Variants in PLA2G4E observed in about 807,000 individuals in gnomAD.
The protein encoded by PLA2G4E is phospholipase A2 group IVE.
PLA2G4E carries 84 observed loss-of-function variants against 109.1 expected under a neutral mutation model. That is an observed-to-expected ratio of 0.77 (90% confidence interval 0.65 to 0.92). The LOEUF is 0.92. Ranked by LOEUF, PLA2G4E falls within the 40% of genes least tolerant of loss-of-function variation. The probability of loss-of-function intolerance (pLI) is 0.00; values close to 1 mark genes in which losing one functional copy is unlikely to be tolerated. For synonymous variants in PLA2G4E, 469 were observed against 436.1 expected, an observed-to-expected ratio of 1.08 and a Z score of -0.94; for missense variants, 1,057 against 1,076.6, an observed-to-expected ratio of 0.98 and a Z score of 0.25.
intron 4 of PLA2G4E, among the ~76,000 whole-genome samples, chr15:42,005,321 G>A (rs1272353517): frequency 3.3e-5 from 5 of 152,218 alleles, no homozygotes; most frequent in Admixed American, 6.5e-5. Context: ...GCAAGGGAGC[G>A]CTGAGATACG....
At chr15:42,048,882 T>G (rs1226051701) in intron 1 of PLA2G4E, among the ~76,000 whole-genome samples, 17 of 152,236 alleles carry the variant, frequency 1.1e-4, no homozygotes. Flanking sequence ...TATTAAGCCA[T>G]TATGTTTTCG....
intron 11 of PLA2G4E, among the ~76,000 whole-genome samples, 184 bp downstream of exon 11, chr15:41,996,940 C>T: frequency 6.6e-6 from 1 of 152,340 alleles, no homozygotes; most frequent in East Asian, 1.9e-4. Context: ...TTTGCTCTCC[C>T]CTTCTCTTGT....
intron 7 of PLA2G4E, 148 bp from the exon 8 acceptor site, chr15:42,000,430 T>A: frequency 1.3e-6 from 1 of 776,286 alleles, no homozygotes; most frequent in South Asian, 1.8e-5. Context: ...ATTCTCAATC[T>A]ATAGGGTAGG....
At chr15:42,042,426 A>G (rs1449146298) in intron 1 of PLA2G4E, among the ~76,000 whole-genome samples, 1 of 152,214 alleles carries the variant, frequency 6.6e-6, no homozygotes, top group East Asian at 1.9e-4. Context: ...TACTGAATAC[A>G]TATATTATTT....
chr15:42,006,149 G>T lies in PLA2G4E; in HGVS notation c.394-28C>A, dbSNP rs376326545. 176 of 1,611,956 alleles carry T rather than the reference G, an allele frequency of 1.1e-4. No homozygotes were observed. The African/African-American group carries it at 2.0e-3, about 18-fold the overall frequency. On this transcript the variant is annotated intron_variant, in intron 3 of 19. Coordinates refer to ENST00000399518, the Ensembl canonical transcript of PLA2G4E. Reference sequence around the variant, plus strand: ...AGGGGAGAAGGAAGGATGCCAGTCTGGTTACCACGGTTGCATTGACCCCTT... The same window carrying T: ...AGGGGAGAAGGAAGGATGCCAGTCTTGTTACCACGGTTGCATTGACCCCTT...
intron 1 of PLA2G4E, among the ~76,000 whole-genome samples, chr15:42,036,819 C>T (rs1595577898): frequency 6.6e-6 from 1 of 152,182 alleles, no homozygotes; most frequent in East Asian, 1.9e-4. Flanking sequence ...CAGGTTGGGG[C>T]TGTGGGCCTG....
intron 13 of PLA2G4E, among the ~76,000 whole-genome samples, chr15:41,992,277 G>T (rs1357314238): frequency 6.6e-6 from 1 of 152,188 alleles, no homozygotes; most frequent in Non-Finnish European, 1.5e-5. Context: ...CGTTCTGGGA[G>T]ACGCGGGACT....
Position 42,000,093 on chromosome 15 carries a change from C to T in PLA2G4E, c.852+11G>A, listed in dbSNP as rs1332436550. 6.3e-7 allele frequency: 1 copy of T among 1,579,478 alleles called. No homozygotes were observed. The highest frequency in any genetic ancestry group is 1.8e-5 in the Admixed American group (1 of 55,206). On this transcript the variant is annotated intron_variant, in intron 8 of 19. Transcript: ENST00000399518. ...TCCCCCACACCTCCCCCAGTGTCAGCCGCCTTGTACCCCACAGCTCCAGTG... is the reference window on the plus strand; with the variant it reads ...TCCCCCACACCTCCCCCAGTGTCAGTCGCCTTGTACCCCACAGCTCCAGTG...
chr15:42,010,949 A>G (rs186052512), intron 2 of PLA2G4E, among the ~76,000 whole-genome samples: 16 of 152,346 alleles, frequency 1.1e-4, no homozygotes, highest in Admixed American at 8.5e-4. Flanking sequence ...TTGGATTCAA[A>G]CTAGAAGGAA....
rs549389730 is a variant in PLA2G4E, at chr15:42,027,055, C to T, written c.184-13298G>A. On this transcript the variant is annotated intron_variant, in intron 1 of 19. Transcript: ENST00000399518. ...TACAGTATGAGAAATGTGGAACCAG[C>T]CCATGTGAGAGCATGGCTGGAAGCA... Among the ~76,000 whole-genome samples the T allele has an allele frequency of 2.0e-5, 3 of 151,980 alleles. No homozygotes were observed. In the East Asian group the frequency reaches 5.8e-4, roughly 29 times the overall value.
chr15:42,002,368 G>A (rs1301734587), intron 6 of PLA2G4E, among the ~76,000 whole-genome samples: 1 of 152,016 alleles, frequency 6.6e-6, no homozygotes, highest in Non-Finnish European at 1.5e-5. Flanking sequence ...CACTTAGTGG[G>A]TTGTTTTATT....
chr15:42,050,580 G>C (rs2141082609), exon 1 of PLA2G4E: 1 of 1,550,608 alleles, frequency 6.4e-7, no homozygotes, highest in Non-Finnish European at 8.7e-7. Flanking sequence ...TCCAGGTCCT[G>C]TGTATCCTCG....
In PLA2G4E at chr15:42,031,161, G is replaced by T. The variant is rs1889104600; in HGVS notation, c.184-17404C>A. ...TAAAAAAAAATTTGGTAGAGTCGGG[G>T]TCTCACTATGTTGCCCACGCTGGTC... is the stretch of plus-strand genomic sequence containing the variant. On this transcript the variant is annotated intron_variant, in intron 1 of 19. Coordinates refer to ENST00000399518, the Ensembl canonical transcript of PLA2G4E. Among the ~76,000 whole-genome samples, 3 of 152,092 alleles carry T rather than the reference G, an allele frequency of 2.0e-5. No homozygotes were observed. The South Asian group carries it at 6.2e-4, about 32-fold the overall frequency.
chr15:42,045,500 A>G (rs1368012829), intron 1 of PLA2G4E, among the ~76,000 whole-genome samples: 2 of 152,246 alleles, frequency 1.3e-5, no homozygotes, highest in Non-Finnish European at 2.9e-5. Context: ...ATGAAAAGGC[A>G]TGAACAAGCA....
chr15:42,002,681 C>G (rs747260610), exon 6 of PLA2G4E: 5 of 1,583,498 alleles, frequency 3.2e-6, no homozygotes, highest in Non-Finnish European at 2.6e-6. Context: ...TGACGAGGGT[C>G]TCAGGTGGAG....
At chr15:41,996,378 A>AAAAT (rs1555385822) in intron 11 of PLA2G4E, among the ~76,000 whole-genome samples, 2 of 124,110 alleles carry the variant, frequency 1.6e-5, no homozygotes, top group African/African-American at 3.0e-5. Context: ...AAAAAAAAAA[A>AAAAT]AGGAGGGAGG....
intron 6 of PLA2G4E, 142 bp from the exon 7 acceptor site, chr15:42,001,362 GACC>G (rs1388093322): frequency 3.9e-6 from 3 of 766,734 alleles, no homozygotes; most frequent in Non-Finnish European, 6.5e-6. Context: ...AGAATGTGTT[GACC>G]ACATTTTCTG....
chr15:42,005,033 A>C, intron 4 of PLA2G4E, 55 bp from the exon 5 acceptor site: 1 of 1,598,980 alleles, frequency 6.3e-7, no homozygotes, highest in Non-Finnish European at 8.5e-7. Flanking sequence ...ATCTCTGCTG[A>C]CCAGAACCCT....
intron 4 of PLA2G4E, 74 bp downstream of exon 4, chr15:42,005,916 G>C: frequency 6.5e-7 from 1 of 1,527,166 alleles, no homozygotes; most frequent in Non-Finnish European, 9.0e-7. Context: ...CCTGGGGAAT[G>C]GCTTTGTGGG....
Sources: allele counts gnomAD v4.1 joint callset (sites outside exome capture counted in the v4.1 genomes callset), GRCh38; gene constraint gnomAD v4.1.1; transcripts MANE v1.5; gene names NCBI Gene and HGNC (gene_info 2026-07-23, HGNC 2026-07-21).